PRKD1: variants seen among roughly 807,000 people sequenced by gnomAD.
The protein encoded by PRKD1 is protein kinase D1.
PRKD1 carries 63 observed loss-of-function variants against 95.9 expected under a neutral mutation model. That is an observed-to-expected ratio of 0.66 (90% CI 0.54 to 0.81). The LOEUF is 0.81. Among genes scored for constraint, PRKD1 ranks in the 30% least tolerant of loss-of-function variants. PRKD1 has a pLI of 0.00. For synonymous variants in PRKD1, 425 were observed against 423.1 expected (o/e 1.00, Z -0.05); for missense variants, 1,048 against 1,165.3 (o/e 0.90, Z 1.47).
chr14:29,579,918 C>A (rs1402096712), intron 16 of PRKD1, among the ~76,000 whole-genome samples: 1 of 152,098 alleles, frequency 6.6e-6, no homozygotes, highest in Admixed American at 6.6e-5. Context: ...CTGTGAACTG[C>A]GTATAGGGCA....
At chr14:29,660,250 G>C (rs886518288) in intron 4 of PRKD1, among the ~76,000 whole-genome samples, 5 of 152,142 alleles carry the variant, frequency 3.3e-5, no homozygotes, top group African/African-American at 9.7e-5. Flanking sequence ...TATTTCATCG[G>C]TTAATTTTTC....
intron 16 of PRKD1, among the ~76,000 whole-genome samples, chr14:29,585,056 T>C (rs1448981184): frequency 2.0e-5 from 3 of 152,174 alleles, no homozygotes. Flanking sequence ...GGCAAGTGTT[T>C]TCTCTTTTTT....
At chr14:29,579,020 C>A (rs1292315894) in intron 16 of PRKD1, among the ~76,000 whole-genome samples, 1 of 152,014 alleles carries the variant, frequency 6.6e-6, no homozygotes, top group Non-Finnish European at 1.5e-5. Context: ...GGAAAGAAGT[C>A]TATTTAACAA....
At position 29,638,837 on chromosome 14, in the gene PRKD1, C is replaced by T. The variant is rs762349599; in HGVS notation, c.764G>A (p.Arg255Gln). 14 of 1,612,366 alleles carry T rather than the reference C, an allele frequency of 8.7e-6. No homozygotes were observed. The highest frequency in any genetic ancestry group is 5.5e-5 in the South Asian group (5 of 91,018). ...CAAAATCTTGTCAAGGTGAATTGGT[C>T]GTCCAATGTATGATTGAGAATTTGA... ...KRSNSQSYIG[R>Q]PIHLDKILMS... The change falls in exon 5 of 18, where the codon CGA (arginine) becomes CAA (glutamine). Residue 255 changes from arginine to glutamine, a missense_variant. Transcript: ENST00000331968.
intron 1 of PRKD1, among the ~76,000 whole-genome samples, chr14:29,763,688 G>A (rs1888129628): frequency 6.6e-6 from 1 of 152,092 alleles, no homozygotes; most frequent in South Asian, 2.1e-4. Flanking sequence ...AGTAACTGAG[G>A]ATTTGGCCTG....
intron 1 of PRKD1, among the ~76,000 whole-genome samples, chr14:29,826,782 CATATAT>C (rs1358133940): frequency 3.6e-4 from 9 of 25,256 alleles, no homozygotes; most frequent in East Asian, 1.2e-3. Flanking sequence ...CATATATATA[CATATAT>C]ACACATATAT....
At chr14:29,684,683 G>A (rs1883751796) in intron 2 of PRKD1, among the ~76,000 whole-genome samples, 2 of 152,154 alleles carry the variant, frequency 1.3e-5, no homozygotes, top group African/African-American at 2.4e-5. Context: ...GACAACAGAA[G>A]GATAGTCTCA....
chr14:29,644,727 T>G (rs1881016873), intron 4 of PRKD1, among the ~76,000 whole-genome samples: 1 of 152,156 alleles, frequency 6.6e-6, no homozygotes, highest in African/African-American at 2.4e-5. Context: ...TATGCCAAAC[T>G]ATTTTCATAG....
At chr14:29,790,355 T>TA (rs1021754858) in intron 1 of PRKD1, among the ~76,000 whole-genome samples, 1 of 151,766 alleles carries the variant, frequency 6.6e-6, no homozygotes, top group Non-Finnish European at 1.5e-5. Context: ...TCATTCCAGC[T>TA]AAAAAAAAGA....
chr14:29,715,188 T>C (rs779399130), intron 2 of PRKD1, among the ~76,000 whole-genome samples: 2 of 152,122 alleles, frequency 1.3e-5, no homozygotes, highest in Non-Finnish European at 2.9e-5. Context: ...TCATTCAATA[T>C]GTCACATTGA....
intron 13 of PRKD1, among the ~76,000 whole-genome samples, chr14:29,620,039 T>C (rs928976044): frequency 6.6e-6 from 1 of 152,020 alleles, no homozygotes; most frequent in East Asian, 1.9e-4. Context: ...AACTGTCTGA[T>C]CTTTGACAAA....
intron 1 of PRKD1, among the ~76,000 whole-genome samples, chr14:29,782,535 G>T (rs1268943545): frequency 6.6e-6 from 1 of 151,702 alleles, no homozygotes; most frequent in African/African-American, 2.4e-5. Flanking sequence ...AATTGCTTTT[G>T]TTTTTTGCTT....
chr14:29,676,183 G>GTTTTTTTTTTTTTTTTTTTTTT (rs34953735), intron 2 of PRKD1, among the ~76,000 whole-genome samples: 7 of 67,442 alleles, frequency 1.0e-4, no homozygotes, highest in Non-Finnish European at 1.4e-4. Flanking sequence ...TTACGTTTTT[G>GTTTTTTTTTTTTTTTTTTTTTT]TTTTTTTTTT....
intron 1 of PRKD1, among the ~76,000 whole-genome samples, chr14:29,770,143 T>C (rs2139135450): frequency 6.6e-6 from 1 of 152,322 alleles, no homozygotes; most frequent in South Asian, 2.1e-4. Context: ...CACCCTTGAT[T>C]TTGGTCTCTC....
intron 4 of PRKD1, among the ~76,000 whole-genome samples, chr14:29,647,082 CA>C (rs5807545): frequency 0.012 from 1,789 of 146,736 alleles, 37 homozygotes; most frequent in African/African-American, 0.041. Context: ...ACAGGGCAAG[CA>C]AAAAAAAAAT....
At chr14:29,703,606 A>C (rs1950462642) in intron 2 of PRKD1, among the ~76,000 whole-genome samples, 1 of 152,220 alleles carries the variant, frequency 6.6e-6, no homozygotes, top group Non-Finnish European at 1.5e-5. Flanking sequence ...GATATACTGG[A>C]GAGTAGAAAA....
intron 1 of PRKD1, among the ~76,000 whole-genome samples, chr14:29,872,264 T>G (rs1012480640): frequency 1.5e-4 from 23 of 152,172 alleles, no homozygotes; most frequent in Admixed American, 1.2e-3. Context: ...CAGAAAAAAT[T>G]TATTAGTGTA....
intron 2 of PRKD1, among the ~76,000 whole-genome samples, chr14:29,679,007 C>G (rs2139260788): frequency 6.6e-6 from 1 of 152,240 alleles, no homozygotes; most frequent in East Asian, 1.9e-4. Flanking sequence ...AATCAGAAGG[C>G]CACAGGGCAA....
intron 1 of PRKD1, among the ~76,000 whole-genome samples, chr14:29,794,077 T>C (rs1889700435): frequency 6.6e-6 from 1 of 152,096 alleles, no homozygotes; most frequent in African/African-American, 2.4e-5. Flanking sequence ...AGATTTATTA[T>C]TAGGTATTTT....
Sources: allele counts gnomAD v4.1 joint callset (sites outside exome capture counted in the v4.1 genomes callset), GRCh38; gene constraint gnomAD v4.1.1; transcripts MANE v1.5; gene names NCBI Gene and HGNC (gene_info 2026-07-23, HGNC 2026-07-21).